POLN: variants seen among roughly 807,000 people sequenced by gnomAD.
POLN encodes DNA polymerase N.
In POLN, 108 loss-of-function variants were observed where a neutral mutation model predicts 113.5. The ratio of observed to expected loss-of-function variants is 0.95; its 90% CI spans 0.81 to 1.12. POLN has a LOEUF of 1.12. Ranked by LOEUF, POLN falls within the 50% of genes most tolerant of loss-of-function variation. POLN has a pLI of 0.00. For missense variants in POLN, 1,097 were observed against 1,077.1 expected (o/e 1.02, Z -0.26); for synonymous variants, 386 against 391.5 (o/e 0.99, Z 0.17).
At chr4:2,085,894 G>A in intron 20 of POLN, 150 bp from the exon 21 acceptor site, 1 of 1,000,304 alleles carries the variant, frequency 1.0e-6, no homozygotes, top group African/African-American at 1.6e-5. Context: ...CAGGTGCTAG[G>A]TGCCAATCAA....
At chr4:2,107,987 C>A (rs58076018) in intron 19 of POLN, among the ~76,000 whole-genome samples, 7,381 of 152,266 alleles carry the variant, frequency 0.048, 639 homozygotes, top group African/African-American at 0.17. Flanking sequence ...TGCTCTTCAT[C>A]CGAGCGCTTT....
intron 19 of POLN, among the ~76,000 whole-genome samples, chr4:2,096,738 G>C (rs576605043): frequency 0.018 from 2,695 of 148,324 alleles, 33 homozygotes; most frequent in African/African-American, 0.038. Flanking sequence ...GAGACACACA[G>C]AGAGAAACAG....
chr4:2,129,146 T>C lies in POLN; in HGVS notation c.1867+33A>G, dbSNP rs370153665. The C allele has an allele frequency of 1.4e-5, 21 of 1,495,918 alleles. No individual in the cohort carries two copies. The African/African-American group carries it at 2.5e-4, about 18-fold the overall frequency. The allele number at this position is 1,495,918 out of a possible 1,614,324, so 92.7% of individuals were successfully genotyped here. On this transcript the variant is annotated intron_variant, in intron 18 of 25. Transcript: ENST00000511885. ...TCAATTTCTAAACCTTTGAACCCTA[T>C]GAAAATGCATAAAGCAAGCTACAGC...
At position 2,081,758 on chromosome 4, in the gene POLN, G is replaced by C. The variant is rs1312784594; in HGVS notation, c.2198-15C>G. The C allele has an allele frequency of 6.2e-7, 1 of 1,610,172 alleles. No individual in the cohort carries two copies. The highest frequency in any genetic ancestry group is 8.5e-7 in the Non-Finnish European group (1 of 1,176,666). Reference sequence around the variant, plus strand: ...CACCACACAGCCTGAGTCACACAGAGCAAAAGTAGATGAGGGACAGAAACA... The same window carrying C: ...CACCACACAGCCTGAGTCACACAGACCAAAAGTAGATGAGGGACAGAAACA... On this transcript the variant is annotated splice_polypyrimidine_tract_variant and intron_variant, in intron 21 of 25. Transcript: ENST00000511885.
chr4:2,216,146 A>C (rs1425102587), intron 3 of POLN, among the ~76,000 whole-genome samples: 1 of 152,200 alleles, frequency 6.6e-6, no homozygotes, highest in Non-Finnish European at 1.5e-5. Flanking sequence ...AGAAGATGGA[A>C]ATTACATTCC....
chr4:2,176,579 T>C (rs1733002650), intron 8 of POLN, among the ~76,000 whole-genome samples: 1 of 152,182 alleles, frequency 6.6e-6, no homozygotes, highest in Non-Finnish European at 1.5e-5. Flanking sequence ...CAACCGAGGG[T>C]ATTTCTTCAT....
rs1319359030 is a variant in POLN at position 2,209,570 on chromosome 4, T to G, written c.214-1083A>C. 2.7e-5 allele frequency among the ~76,000 whole-genome samples: 4 copies of G among 150,712 alleles called. No individual in the cohort carries two copies. In the East Asian group the frequency reaches 7.8e-4, roughly 30 times the overall value. ...AATATGCATTCATAGATCCACAAAC[T>G]AATCAAGGTGGGGAAAGCAATCCTA... On this transcript the variant is annotated intron_variant, in intron 4 of 25. Transcript: ENST00000511885.
intron 23 of POLN, chr4:2,079,253 G>T (rs1730346992): frequency 6.7e-6 from 2 of 298,630 alleles, no homozygotes; most frequent in Non-Finnish European, 9.9e-6. Flanking sequence ...TTCTAGACTT[G>T]CAGTATCTTA....
chr4:2,220,596 C>G (rs1734231270), intron 3 of POLN, among the ~76,000 whole-genome samples: 1 of 152,346 alleles, frequency 6.6e-6, no homozygotes, highest in Admixed American at 6.5e-5. Context: ...TTCGGCACCC[C>G]ACTTCAGCCC....
chr4:2,226,038 G>A (rs1016473913), intron 3 of POLN, among the ~76,000 whole-genome samples: 1 of 152,130 alleles, frequency 6.6e-6, no homozygotes, highest in East Asian at 1.9e-4. Flanking sequence ...GAGGTGAATG[G>A]TCTCAGTAGG....
chr4:2,078,010 C>G (rs557936299), intron 23 of POLN, among the ~76,000 whole-genome samples: 2 of 152,338 alleles, frequency 1.3e-5, no homozygotes, highest in African/African-American at 4.8e-5. Flanking sequence ...GAGATCACTG[C>G]ACCAGTAGGA....
chr4:2,159,217 C>T lies in POLN; in HGVS notation c.1555-6G>A. 1 of 1,595,974 alleles carries T rather than the reference C, an allele frequency of 6.3e-7. No individual in the cohort carries two copies. Among genetic ancestry groups the T allele is most frequent in the East Asian group, 2.2e-5 (1 of 44,694 alleles). ...AGGTCTCGCAGAGCATTTAACTAAACATGAAAATAGATACTACCAATGTAA... is the reference window on the plus strand; with the variant it reads ...AGGTCTCGCAGAGCATTTAACTAAATATGAAAATAGATACTACCAATGTAA... On this transcript the variant is annotated splice_polypyrimidine_tract_variant and splice_region_variant and intron_variant, in intron 13 of 25. Transcript: ENST00000511885.
intron 16 of POLN, among the ~76,000 whole-genome samples, chr4:2,132,830 C>T (rs1224093789): frequency 5.3e-5 from 8 of 152,148 alleles, no homozygotes; most frequent in Admixed American, 4.6e-4. Context: ...AAAAGAAATG[C>T]TACAGGAAAT....
At chr4:2,120,356 G>C (rs747540982) in intron 19 of POLN, among the ~76,000 whole-genome samples, 1 of 152,000 alleles carries the variant, frequency 6.6e-6, no homozygotes, top group Non-Finnish European at 1.5e-5. Flanking sequence ...GACATTATTT[G>C]TATGTTGAGT....
chr4:2,124,441 T>TA (rs927796435), intron 19 of POLN, among the ~76,000 whole-genome samples: 11 of 151,798 alleles, frequency 7.2e-5, no homozygotes, highest in African/African-American at 9.7e-5. Context: ...CCGGCTAATT[T>TA]AAAAAAAAAT....
chr4:2,131,771 C>T (rs758110292), intron 16 of POLN, among the ~76,000 whole-genome samples: 15 of 152,210 alleles, frequency 9.9e-5, no homozygotes, highest in Non-Finnish European at 2.2e-4. Flanking sequence ...AACTTGGTGG[C>T]TTGTGCTACG....
chr4:2,094,334 G>T (rs1730732672), intron 20 of POLN, among the ~76,000 whole-genome samples: 1 of 137,218 alleles, frequency 7.3e-6, no homozygotes, highest in South Asian at 2.3e-4. Flanking sequence ...CTGCATTCCA[G>T]CCTGGGGGAT....
chr4:2,082,689 A>G (rs1216389402), intron 21 of POLN: 1 of 152,222 alleles, frequency 6.6e-6, no homozygotes, highest in Non-Finnish European at 1.5e-5. Context: ...ACTACATGCC[A>G]GGCAATATAC....
chr4:2,091,498 C>T (rs1156677798), intron 20 of POLN, among the ~76,000 whole-genome samples: 1 of 152,120 alleles, frequency 6.6e-6, no homozygotes, highest in South Asian at 2.1e-4. Flanking sequence ...GACTGTCACA[C>T]TCAAAGGCCA....
Sources: allele counts gnomAD v4.1 joint callset (sites outside exome capture counted in the v4.1 genomes callset), GRCh38; gene constraint gnomAD v4.1.1; transcripts MANE v1.5; gene names NCBI Gene and HGNC (gene_info 2026-07-23, HGNC 2026-07-21).